Variants in NCOA1 observed in about 807,000 individuals in gnomAD.
NCOA1 encodes Hin-2 protein.
NCOA1 carries 35 observed loss-of-function variants against 150.9 expected under a neutral mutation model. The ratio of observed to expected loss-of-function variants is 0.23; its 90% CI spans 0.18 to 0.31. NCOA1 has a LOEUF of 0.31. Ranked by LOEUF, NCOA1 falls within the 10% of genes least tolerant of loss-of-function variation. The probability of loss-of-function intolerance (pLI) is 1.00; values close to 1 mark genes in which losing one functional copy is unlikely to be tolerated. For synonymous variants in NCOA1, 590 were observed against 630.0 expected (o/e 0.94, Z 0.95); for missense variants, 1,491 against 1,749.3 (o/e 0.85, Z 2.63).
rs547329932 is a variant in NCOA1, at chr2:24,547,063, CAT to C, written c.-395-17231_-395-17230del. ...CCTCATCTCTTGATAGGTGGAATGA[CAT>C]GTGCACATTGGAAAGGAAATAATCA... On this transcript the variant is annotated intron_variant, in intron 1 of 22. Transcript: ENST00000348332. Among the ~76,000 whole-genome samples, 88 of 152,296 alleles carry C rather than the reference CAT, an allele frequency of 5.8e-4. 1 individual carries two copies. Among genetic ancestry groups the C allele is most frequent in the African/African-American group, 2.0e-3 (83 of 41,558 alleles).
rs150902838 is a variant in NCOA1, at chr2:24,615,666, A to G, written c.-174-28300A>G. ...CTGGAGATAAAACGGTGAGTGAGAC[A>G]TAGTCTCACTGCTTTCAAGAAGCTT... is the stretch of plus-strand genomic sequence containing the variant. On this transcript the variant is annotated intron_variant, in intron 3 of 22. Coordinates refer to ENST00000348332, the MANE Select transcript of NCOA1 (RefSeq NM_003743.5). Among the ~76,000 whole-genome samples the G allele has an allele frequency of 7.0e-3, 1,072 of 152,362 alleles. 12 individuals are homozygous for G. The highest frequency in any genetic ancestry group is 0.024 in the African/African-American group (1,011 of 41,582).
chr2:24,689,438 TCA>T (rs1672560674), intron 8 of NCOA1, among the ~76,000 whole-genome samples: 2 of 152,078 alleles, frequency 1.3e-5, no homozygotes, highest in African/African-American at 2.4e-5. Flanking sequence ...AGATGGAGTC[TCA>T]CTCTGTCACC....
chr2:24,630,232 G>A (rs1342487439), intron 3 of NCOA1, among the ~76,000 whole-genome samples: 1 of 152,190 alleles, frequency 6.6e-6, no homozygotes, highest in Non-Finnish European at 1.5e-5. Context: ...TGGAGGCATG[G>A]AAAGATTAAG....
intron 17 of NCOA1, 38 bp from the exon 18 acceptor site, chr2:24,739,394 G>T (rs1452630437): frequency 1.4e-6 from 2 of 1,419,404 alleles, no homozygotes; most frequent in East Asian, 2.3e-5. Context: ...TTATGCTTGT[G>T]TGTAGAAATA....
intron 5 of NCOA1, among the ~76,000 whole-genome samples, chr2:24,664,701 C>T (rs958015561): frequency 1.8e-4 from 27 of 150,988 alleles, no homozygotes; most frequent in African/African-American, 6.6e-4. Context: ...AGCAAGATTC[C>T]ATCTCAAAAA....
intron 2 of NCOA1, among the ~76,000 whole-genome samples, chr2:24,569,391 T>A (rs775338035): frequency 4.1e-4 from 63 of 152,054 alleles, no homozygotes; most frequent in Non-Finnish European, 7.9e-4. Context: ...GAAATACCTG[T>A]GGTATTTCAA....
intron 3 of NCOA1, among the ~76,000 whole-genome samples, chr2:24,585,191 T>C (rs1417749359): frequency 2.0e-5 from 3 of 151,862 alleles, no homozygotes; most frequent in African/African-American, 7.2e-5. Flanking sequence ...ATGTAGATAA[T>C]TGCATTTCAT....
At chr2:24,634,036 A>G (rs1488412920) in intron 3 of NCOA1, among the ~76,000 whole-genome samples, 2 of 152,238 alleles carry the variant, frequency 1.3e-5, no homozygotes, top group African/African-American at 4.8e-5. Flanking sequence ...ACTCCAAAAG[A>G]TAATGTATGA....
intron 19 of NCOA1, among the ~76,000 whole-genome samples, chr2:24,742,827 T>C (rs1309283872): frequency 6.6e-6 from 1 of 151,778 alleles, no homozygotes; most frequent in Non-Finnish European, 1.5e-5. Flanking sequence ...TGTAGTTTTT[T>C]CATTGTGTGG....
In NCOA1 at chr2:24,659,209, A is replaced by G. The variant is rs576144070; in HGVS notation, c.89+443A>G. On this transcript the variant is annotated intron_variant, in intron 5 of 22. Transcript: ENST00000348332. ...CTTGTTTGTTCTTGCTCATCATTGT[A>G]TCCTTAGTTCCTAAAACAGTGTGTG... 7.9e-4 allele frequency: 134 copies of G among 170,036 alleles called. 1 individual carries two copies. The highest frequency in any genetic ancestry group is 3.1e-3 in the African/African-American group (131 of 42,166). The allele number at this position is 170,036 out of a possible 1,614,324, so 10.5% of individuals were successfully genotyped here. A position where few individuals can be genotyped will look rare whatever the true frequency, so the allele number is the denominator to read the frequency against.
At chr2:24,690,389 T>TCA (rs1672607027) in intron 8 of NCOA1, among the ~76,000 whole-genome samples, 1 of 151,786 alleles carries the variant, frequency 6.6e-6, no homozygotes, top group African/African-American at 2.4e-5. Flanking sequence ...GCGTGGTGGC[T>TCA]CACACCTGTA....
Position 24,762,792 on chromosome 2 carries a change from C to T in NCOA1, c.4155+16C>T, listed in dbSNP as rs1357107132. 6.2e-7 allele frequency: 1 copy of T among 1,603,942 alleles called. No individual in the cohort carries two copies. The highest frequency in any genetic ancestry group is 1.7e-5 in the Admixed American group (1 of 59,988). On this transcript the variant is annotated intron_variant, in intron 22 of 22. Coordinates refer to ENST00000348332, the MANE Select transcript of NCOA1 (RefSeq NM_003743.5). ...TGGAACCCAGGTCAGTAAGGAAATT[C>T]TAAGCCCAGAGCTGTCAAATGTACT... is the stretch of plus-strand genomic sequence containing the variant.
intron 2 of NCOA1, among the ~76,000 whole-genome samples, chr2:24,567,374 C>A (rs1361016443): frequency 2.6e-5 from 4 of 152,086 alleles, no homozygotes; most frequent in Non-Finnish European, 5.9e-5. Context: ...TTTCTTCTTA[C>A]TTTCACTTAG....
chr2:24,666,184 T>C (rs1321104905), intron 6 of NCOA1, among the ~76,000 whole-genome samples: 1 of 151,640 alleles, frequency 6.6e-6, no homozygotes, highest in African/African-American at 2.4e-5. Flanking sequence ...GCTGATCTTT[T>C]TGTATTTTTT....
In NCOA1 at chr2:24,491,254, G is replaced by A. The variant is rs1449262100; in HGVS notation, c.-744G>A. ...GCCGCGAGCGGGGGGCGGTGGCGGC[G>A]GCGGCGGTGGCGGCCGAGGAGGAGA... On this transcript the variant is annotated 5_prime_UTR_variant, in exon 1 of 23. Coordinates refer to ENST00000348332, the MANE Select transcript of NCOA1 (RefSeq NM_003743.5). Among the ~76,000 whole-genome samples, 15 of 147,066 alleles carry A rather than the reference G, an allele frequency of 1.0e-4. No individual in the cohort carries two copies. Among genetic ancestry groups the A allele is most frequent in the Non-Finnish European group, 1.8e-4 (12 of 66,128 alleles).
rs775479783 is a variant in NCOA1, at chr2:24,728,520, A to T, written c.2886+44A>T. 2.0e-6 allele frequency: 3 copies of T among 1,529,244 alleles called. No homozygotes were observed. The East Asian group carries it at 6.9e-5, about 35-fold the overall frequency. 94.7% of individuals were successfully genotyped at this position (1,529,244 alleles called of 1,614,324 possible). On this transcript the variant is annotated intron_variant, in intron 16 of 22. Coordinates refer to ENST00000348332, the MANE Select transcript of NCOA1 (RefSeq NM_003743.5). ...ATTATTTAACTGATGGAGCCCTAAGAAGCTAGAAAATTATTTTAAGCAAGA... is the reference window on the plus strand; with the variant it reads ...ATTATTTAACTGATGGAGCCCTAAGTAGCTAGAAAATTATTTTAAGCAAGA...
chr2:24,601,789 C>T (rs1668131180), intron 3 of NCOA1, among the ~76,000 whole-genome samples: 1 of 152,010 alleles, frequency 6.6e-6, no homozygotes, highest in Admixed American at 6.6e-5. Flanking sequence ...CACACCACCA[C>T]ACCCGGCTAA....
intron 7 of NCOA1, among the ~76,000 whole-genome samples, chr2:24,678,256 T>C (rs1187577701): frequency 6.6e-6 from 1 of 152,232 alleles, no homozygotes; most frequent in East Asian, 1.9e-4. Flanking sequence ...CCATGGTGTA[T>C]ATGTACCACA....
At chr2:24,666,318 T>C (rs905563600) in intron 6 of NCOA1, among the ~76,000 whole-genome samples, 1 of 152,102 alleles carries the variant, frequency 6.6e-6, no homozygotes, top group Non-Finnish European at 1.5e-5. Context: ...CTGGCCTACT[T>C]TTTTATTATT....
Sources: allele counts gnomAD v4.1 joint callset (sites outside exome capture counted in the v4.1 genomes callset), GRCh38; gene constraint gnomAD v4.1.1; transcripts MANE v1.5; gene names NCBI Gene and HGNC (gene_info 2026-07-23, HGNC 2026-07-21).